The following DLEU7 variants were observed in gnomAD, a reference collection of about 807,000 sequenced individuals.
DLEU7 encodes the protein leukemia-associated protein 7.
Under a neutral mutation model 16.0 loss-of-function variants are expected in DLEU7, and 17 were observed. The ratio of observed to expected loss-of-function variants is 1.06; its 90% CI spans 0.73 to 1.59. The LOEUF is 1.59. Among genes scored for constraint, DLEU7 ranks in the 40% most tolerant of loss-of-function variants. The pLI is 0.00. For missense variants in DLEU7, 308 were observed against 314.9 expected (o/e 0.98, Z 0.17); for synonymous variants, 113 against 139.8 (o/e 0.81, Z 1.35).
exon 2 of DLEU7, chr13:50,713,071 AC>A (rs1230965761): frequency 1.2e-6 from 1 of 824,422 alleles, no homozygotes; most frequent in Non-Finnish European, 2.0e-6. Flanking sequence ...GCAATTGGAG[AC>A]CAATACGAAG....
chr13:50,768,781 A>G (rs1340652424), intron 1 of DLEU7, among the ~76,000 whole-genome samples: 2 of 152,182 alleles, frequency 1.3e-5, no homozygotes, highest in Non-Finnish European at 2.9e-5. Context: ...ATGATTTATA[A>G]TCCTTTGGGT....
At chr13:50,832,286 G>C (rs983859125) in intron 1 of DLEU7, among the ~76,000 whole-genome samples, 4 of 152,166 alleles carry the variant, frequency 2.6e-5, no homozygotes, top group Non-Finnish European at 5.9e-5. Flanking sequence ...GGTGTTTATA[G>C]TATTCTCTGA....
At chr13:50,787,632 T>C (rs1875823504) in intron 1 of DLEU7, among the ~76,000 whole-genome samples, 1 of 151,944 alleles carries the variant, frequency 6.6e-6, no homozygotes, top group Non-Finnish European at 1.5e-5. Context: ...CCCCCTGCTG[T>C]TCCTACTTTC....
intron 1 of DLEU7, among the ~76,000 whole-genome samples, chr13:50,740,624 A>G (rs1287699246): frequency 1.3e-5 from 2 of 152,094 alleles, no homozygotes; most frequent in South Asian, 2.1e-4. Context: ...AAGCCTTTTT[A>G]TCGCTAATCT....
At chr13:50,834,735 A>G (rs1289368063) in intron 1 of DLEU7, among the ~76,000 whole-genome samples, 1 of 152,204 alleles carries the variant, frequency 6.6e-6, no homozygotes, top group Non-Finnish European at 1.5e-5. Flanking sequence ...ATAAACACAC[A>G]TGCACATGTA....
chr13:50,800,446 C>T (rs1472549099), intron 1 of DLEU7, among the ~76,000 whole-genome samples: 1 of 152,164 alleles, frequency 6.6e-6, no homozygotes, highest in Admixed American at 6.5e-5. Flanking sequence ...GAACCACACC[C>T]TGAGGAATGA....
At chr13:50,735,632 A>G (rs532705896) in intron 1 of DLEU7, among the ~76,000 whole-genome samples, 1 of 152,278 alleles carries the variant, frequency 6.6e-6, no homozygotes, top group Admixed American at 6.5e-5. Context: ...TCTAATATCC[A>G]GTATCTATAA....
At chr13:50,840,402 C>G (rs1392663827) in intron 1 of DLEU7, among the ~76,000 whole-genome samples, 1 of 152,186 alleles carries the variant, frequency 6.6e-6, no homozygotes, top group African/African-American at 2.4e-5. Flanking sequence ...ATTACCTATT[C>G]TGCAAACAGC....
intron 1 of DLEU7, among the ~76,000 whole-genome samples, chr13:50,757,218 G>A (rs1874789611): frequency 2.0e-5 from 3 of 152,164 alleles, no homozygotes; most frequent in South Asian, 4.1e-4. Flanking sequence ...AGTCAGAGCT[G>A]CAATCTAGTC....
chr13:50,783,847 G>A (rs757986793), intron 1 of DLEU7, among the ~76,000 whole-genome samples: 2 of 152,102 alleles, frequency 1.3e-5, no homozygotes, highest in Non-Finnish European at 2.9e-5. Context: ...CCCTGCCATA[G>A]GCTCTCCCCA....
chr13:50,789,945 C>CT (rs750516352), intron 1 of DLEU7, among the ~76,000 whole-genome samples: 2,708 of 70,244 alleles, frequency 0.039, 83 homozygotes, highest in African/African-American at 0.15. Flanking sequence ...TTCTTTCTTT[C>CT]TTTTTTTTTT....
intron 1 of DLEU7, among the ~76,000 whole-genome samples, chr13:50,780,326 ATG>A (rs1875618013): frequency 6.6e-6 from 1 of 152,194 alleles, no homozygotes; most frequent in African/African-American, 2.4e-5. Flanking sequence ...AGTCCACCAA[ATG>A]TATTTCACCA....
At chr13:50,832,709 T>C (rs1877320065) in intron 1 of DLEU7, among the ~76,000 whole-genome samples, 1 of 152,212 alleles carries the variant, frequency 6.6e-6, no homozygotes, top group South Asian at 2.1e-4. Flanking sequence ...TCAAAGAACT[T>C]ATTTATTTCT....
chr13:50,843,595 G>A lies in DLEU7; in HGVS notation c.52C>T (p.Leu18=). 1 of 1,508,728 alleles carries A rather than the reference G, an allele frequency of 6.6e-7. No homozygotes were observed. The highest frequency in any genetic ancestry group is 8.8e-7 in the Non-Finnish European group (1 of 1,135,034). 93.5% of individuals were successfully genotyped at this position (1,508,728 alleles called of 1,614,324 possible). ...TGCTGCAGCAGCTGCAAGGTCTGCA[G>A]AGCCACCATTTGGTGGCTGATGGAG... ...VASISHQMVA[L]QTLQLLQQEW... is the part of the protein sequence containing the mutation. Residue 18 remains leucine (L), a synonymous_variant, in exon 1 of 2, where the codon CTG becomes TTG. Coordinates refer to ENST00000504404, the MANE Select transcript of DLEU7 (RefSeq NM_001306135.2). This position sits in a 1 kb window ranked among gnomAD's most constrained non-coding sequence, Gnocchi z 5.7.
intron 1 of DLEU7, among the ~76,000 whole-genome samples, chr13:50,738,997 A>ACACG: frequency 9.7e-6 from 1 of 103,118 alleles, no homozygotes; most frequent in Admixed American, 8.7e-5. Context: ...ACACACACAC[A>ACACG]CACACACGCA....
chr13:50,839,021 G>A (rs961630421), intron 1 of DLEU7, among the ~76,000 whole-genome samples: 3 of 152,108 alleles, frequency 2.0e-5, no homozygotes, highest in Non-Finnish European at 4.4e-5. Context: ...AAGTCACCCC[G>A]TCTTTGGTAT....
intron 1 of DLEU7, among the ~76,000 whole-genome samples, chr13:50,729,997 G>A (rs189717139): frequency 1.7e-3 from 251 of 152,086 alleles, no homozygotes; most frequent in African/African-American, 5.6e-3. Context: ...TATGTTATAT[G>A]TGTTATATAC....
intron 1 of DLEU7, among the ~76,000 whole-genome samples, chr13:50,784,240 G>A (rs1875738597): frequency 6.6e-6 from 1 of 152,160 alleles, no homozygotes; most frequent in Admixed American, 6.5e-5. Context: ...TATTAAAGAA[G>A]GATTTTTTCC....
chr13:50,757,954 C>A (rs934362915), intron 1 of DLEU7, among the ~76,000 whole-genome samples: 1 of 151,642 alleles, frequency 6.6e-6, no homozygotes, highest in Non-Finnish European at 1.5e-5. Context: ...CTAGACCTTG[C>A]ATCTAAATAT....
Sources: allele counts gnomAD v4.1 joint callset (sites outside exome capture counted in the v4.1 genomes callset), GRCh38; gene constraint gnomAD v4.1.1; non-coding constraint Gnocchi (gnomAD v3.1); transcripts MANE v1.5; gene names NCBI Gene and HGNC (gene_info 2026-07-23, HGNC 2026-07-21).